Variants in MCCC2 observed in about 807,000 individuals in gnomAD.
MCCC2 encodes the protein methylcrotonyl-CoA carboxylase subunit 2, also known as methylcrotonoyl-CoA carboxylase beta chain, mitochondrial.
Under a neutral mutation model 77.2 loss-of-function variants are expected in MCCC2, and 52 were observed. The ratio of observed to expected loss-of-function variants is 0.67; its 90% CI spans 0.54 to 0.85. The LOEUF (loss-of-function observed/expected upper bound fraction) is 0.85. Ranked by LOEUF, MCCC2 falls within the 40% of genes least tolerant of loss-of-function variation. The pLI, the probability that MCCC2 is intolerant of heterozygous loss-of-function variation, is 0.00. For missense variants in MCCC2, 682 were observed against 703.2 expected (o/e 0.97, Z 0.34); for synonymous variants, 253 against 248.4 (o/e 1.02, Z -0.18).
At chr5:71,620,164 C>T (rs767718418) in intron 6 of MCCC2, among the ~76,000 whole-genome samples, 4 of 152,222 alleles carry the variant, frequency 2.6e-5, no homozygotes, top group Middle Eastern at 3.4e-3. Context: ...ATCCAGTTGG[C>T]ATAGGTAAGC....
intron 10 of MCCC2, chr5:71,635,653 G>A: frequency 2.9e-6 from 1 of 344,782 alleles, no homozygotes; most frequent in South Asian, 2.3e-5. Context: ...AGATCAATAT[G>A]ACATTTGCAA....
chr5:71,633,551 A>AT lies in MCCC2; in HGVS notation c.803+1377dup, dbSNP rs35149881. On this transcript the variant is annotated intron_variant, in intron 8 of 16. Coordinates refer to ENST00000340941, the MANE Select transcript of MCCC2 (RefSeq NM_022132.5). ...GTGAGGAAATGATTGGGGGTGATGA[A>AT]TTTTTTTTTTTGGAAAGTACCATGA... Among the ~76,000 whole-genome samples the AT allele has an allele frequency of 5.6e-3, 840 of 149,162 alleles. 8 individuals are homozygous for AT. The highest frequency in any genetic ancestry group is 0.019 in the African/African-American group (759 of 40,552).
Position 71,624,829 on chromosome 5 carries a change from G to A in MCCC2, c.625-1811G>A, listed in dbSNP as rs1231134774. ...CTGCTTCAGCCTCCTGAGTAGCTGG[G>A]TTTACAGGCATGCAGCACCACACCC... is the stretch of plus-strand genomic sequence containing the variant. On this transcript the variant is annotated intron_variant, in intron 6 of 16. Transcript: ENST00000340941. Among the ~76,000 whole-genome samples the A allele has an allele frequency of 3.3e-5, 5 of 151,798 alleles. No individual in the cohort carries two copies. In the South Asian group the frequency reaches 1.0e-3, roughly 32 times the overall value.
Position 71,599,324 on chromosome 5 carries a change from C to T in MCCC2, c.282-335C>T, listed in dbSNP as rs189939355. Among the ~76,000 whole-genome samples the T allele has an allele frequency of 1.2e-4, 18 of 152,014 alleles. 1 individual carries two copies. The highest frequency in any genetic ancestry group is 3.9e-4 in the African/African-American group (16 of 41,510). ...GGTGGAGGTTGCAGTGAGCTGAGAT[C>T]GCGCCACTGCACTCCAGCCTGGGTG... On this transcript the variant is annotated intron_variant, in intron 3 of 16. Transcript: ENST00000340941.
rs759423509 is a variant in MCCC2, at chr5:71,632,110, C to T, written c.739-11C>T. 6.2e-7 allele frequency: 1 copy of T among 1,613,654 alleles called. No homozygotes were observed. Among genetic ancestry groups the T allele is most frequent in the East Asian group, 2.2e-5 (1 of 44,886 alleles). ...GACCGATTTCACTGATGATTTTTAT[C>T]CTTGTTGTAGGTTAAAGCGGCAACT... On this transcript the variant is annotated splice_polypyrimidine_tract_variant and intron_variant, in intron 7 of 16. Coordinates refer to ENST00000340941, the MANE Select transcript of MCCC2 (RefSeq NM_022132.5).
At chr5:71,590,513 T>C (rs1744931242) in intron 1 of MCCC2, among the ~76,000 whole-genome samples, 1 of 152,136 alleles carries the variant, frequency 6.6e-6, no homozygotes, top group Non-Finnish European at 1.5e-5. Flanking sequence ...TTCATTCCAT[T>C]GTGATTGAAA....
In MCCC2 at chr5:71,649,098, A is replaced by G. The variant is rs1360764708; in HGVS notation, c.1218A>G (p.Gly406=). 1 of 1,614,174 alleles carries G rather than the reference A, an allele frequency of 6.2e-7. No individual in the cohort carries two copies. The highest frequency in any genetic ancestry group is 2.2e-5 in the East Asian group (1 of 44,882). The change falls in exon 14 of 17, where the codon GGA becomes GGG. Residue 406 remains glycine (G), a splice_region_variant and synonymous_variant. Coordinates refer to ENST00000340941, the MANE Select transcript of MCCC2 (RefSeq NM_022132.5). ...IPLLFLQNIT[G]FMVGREYEAE... ...CTCTCTTTCTGATCTTTCTCTCAGG[A>G]TTTATGGTTGGTAGAGAGTATGAAG...
intron 6 of MCCC2, among the ~76,000 whole-genome samples, chr5:71,618,350 C>G (rs1015312552): frequency 1.3e-5 from 2 of 152,216 alleles, no homozygotes; most frequent in African/African-American, 4.8e-5. Context: ...CACTTGCCCT[C>G]TCTTGCCCTC....
rs567836008 is a variant in MCCC2 at position 71,656,639 on chromosome 5, A to G, written c.1575-104A>G. 7.2e-4 allele frequency: 619 copies of G among 859,390 alleles called. 2 individuals carry two copies. In the African/African-American group the frequency reaches 8.4e-3, roughly 12 times the overall value. 53.2% of individuals were successfully genotyped at this position (859,390 alleles called of 1,614,324 possible). ...TACATGGATGCTAATCAGTAGATCCATATATTACCTGAAGGAAAACTTCCT... is the reference window on the plus strand; with the variant it reads ...TACATGGATGCTAATCAGTAGATCCGTATATTACCTGAAGGAAAACTTCCT... On this transcript the variant is annotated intron_variant, in intron 16 of 16. Transcript: ENST00000340941.
intron 1 of MCCC2, among the ~76,000 whole-genome samples, chr5:71,589,618 G>A (rs1047995235): frequency 1.3e-5 from 2 of 152,222 alleles, no homozygotes; most frequent in Admixed American, 1.3e-4. Flanking sequence ...CCATGAGGGT[G>A]GGGGAGAATG....
chr5:71,617,561 G>A (rs1237078794), intron 6 of MCCC2, among the ~76,000 whole-genome samples: 1 of 152,154 alleles, frequency 6.6e-6, no homozygotes, highest in East Asian at 1.9e-4. Context: ...TAGATATTGA[G>A]TGGTTCTGTT....
intron 6 of MCCC2, among the ~76,000 whole-genome samples, chr5:71,613,442 G>C (rs935152645): frequency 6.6e-6 from 1 of 152,186 alleles, no homozygotes; most frequent in Non-Finnish European, 1.5e-5. Flanking sequence ...AACTCAAAAT[G>C]TCTGAAGGGC....
intron 2 of MCCC2, among the ~76,000 whole-genome samples, chr5:71,594,152 T>G (rs2112283672): frequency 6.6e-6 from 1 of 152,316 alleles, no homozygotes; most frequent in South Asian, 2.1e-4. Context: ...TGAAAGTGTT[T>G]TGTTAGGGGT....
At chr5:71,599,094 G>A (rs992866796) in intron 3 of MCCC2, among the ~76,000 whole-genome samples, 4 of 152,082 alleles carry the variant, frequency 2.6e-5, no homozygotes, top group African/African-American at 2.4e-5. Flanking sequence ...TTGGCTGGGC[G>A]TGGTGGCTCA....
At chr5:71,591,415 C>T (rs1304984825) in intron 1 of MCCC2, among the ~76,000 whole-genome samples, 6 of 150,818 alleles carry the variant, frequency 4.0e-5, no homozygotes, top group Non-Finnish European at 8.8e-5. Context: ...GTATATATGC[C>T]AGCATAGAGT....
At chr5:71,592,825 G>C in intron 1 of MCCC2, 101 bp from the exon 2 acceptor site, 1 of 950,588 alleles carries the variant, frequency 1.1e-6, no homozygotes, top group Non-Finnish European at 1.7e-6. Flanking sequence ...ACACAGAGTT[G>C]GCACAGACCA....
chr5:71,640,399 T>G (rs1333801419), intron 10 of MCCC2, among the ~76,000 whole-genome samples: 7 of 151,428 alleles, frequency 4.6e-5, no homozygotes, highest in African/African-American at 9.7e-5. Context: ...TTTTTTTTTT[T>G]TTTTAACAGA....
intron 6 of MCCC2, among the ~76,000 whole-genome samples, chr5:71,616,749 AT>A (rs1746167989): frequency 6.6e-6 from 1 of 152,072 alleles, no homozygotes; most frequent in East Asian, 1.9e-4. Flanking sequence ...AAAAATATAC[AT>A]CTTTGACATT....
intron 11 of MCCC2, among the ~76,000 whole-genome samples, chr5:71,642,759 A>G (rs1053603847): frequency 1.3e-5 from 2 of 152,236 alleles, no homozygotes; most frequent in African/African-American, 2.4e-5. Context: ...GATGTACTGC[A>G]TAAGTTTTTG....
Sources: allele counts gnomAD v4.1 joint callset (sites outside exome capture counted in the v4.1 genomes callset), GRCh38; gene constraint gnomAD v4.1.1; transcripts MANE v1.5; gene names NCBI Gene and HGNC (gene_info 2026-07-23, HGNC 2026-07-21).